SCN2A: variants seen among roughly 807,000 people sequenced by gnomAD.
SCN2A encodes the protein sodium channel protein type 2 subunit alpha.
SCN2A carries 20 observed loss-of-function variants against 188.7 expected under a neutral mutation model. The ratio of observed to expected loss-of-function variants is 0.11; its 90% confidence interval spans 0.07 to 0.15. The LOEUF is 0.15. Ranked by LOEUF, SCN2A falls within the 10% of genes least tolerant of loss-of-function variation. The pLI is 1.00. For synonymous variants in SCN2A, 804 were observed against 833.1 expected (o/e 0.97, Z 0.60); for missense variants, 1,278 against 2,445.0 (o/e 0.52, Z 10.07).
intron 1 of SCN2A, among the ~76,000 whole-genome samples, chr2:165,279,785 G>A (rs13413719): frequency 0.15 from 22,633 of 152,098 alleles, 1,878 homozygotes; most frequent in Middle Eastern, 0.21. Context: ...CTGTGATATG[G>A]TTTGCCTGTG....
intron 1 of SCN2A, among the ~76,000 whole-genome samples, chr2:165,250,646 C>T (rs1285239895): frequency 6.6e-6 from 1 of 151,886 alleles, no homozygotes. Flanking sequence ...CGAACATGTA[C>T]ACACACATAT....
At chr2:165,284,322 C>T (rs1695730546) in intron 1 of SCN2A, among the ~76,000 whole-genome samples, 1 of 152,058 alleles carries the variant, frequency 6.6e-6, no homozygotes, top group East Asian at 1.9e-4. Flanking sequence ...AGGTGCCCGC[C>T]ACCACACCTG....
At chr2:165,307,666 AC>A (rs1378880823) in intron 3 of SCN2A, among the ~76,000 whole-genome samples, 181 bp from the exon 4 acceptor site, 1 of 151,986 alleles carries the variant, frequency 6.6e-6, no homozygotes, top group Non-Finnish European at 1.5e-5. Flanking sequence ...TGGCCTGAAG[AC>A]AAGATCTAAA....
chr2:165,362,890 C>T lies in SCN2A; in HGVS notation c.3400-2253C>T, dbSNP rs182114335. ...AAGATGGATGGAAGAAATTAGGAGT[C>T]CAGATTTATTGGGGAGACTTTATGA... is the stretch of plus-strand genomic sequence containing the variant. On this transcript the variant is annotated intron_variant, in intron 17 of 26. Coordinates refer to ENST00000375437, the MANE Select transcript of SCN2A (RefSeq NM_001040142.2). Among the ~76,000 whole-genome samples, 677 of 152,020 alleles carry T rather than the reference C, an allele frequency of 4.5e-3. 3 individuals are homozygous for T. The highest frequency in any genetic ancestry group is 0.016 in the African/African-American group (645 of 41,484).
intron 15 of SCN2A, among the ~76,000 whole-genome samples, chr2:165,343,413 TAAAAC>T (rs1480881069): frequency 6.6e-6 from 1 of 152,138 alleles, no homozygotes; most frequent in African/African-American, 2.4e-5. Context: ...TTTAAAATGA[TAAAAC>T]AAGTAATATG....
At chr2:165,271,397 A>C (rs187169543) in intron 1 of SCN2A, 1 of 152,108 alleles carries the variant, frequency 6.6e-6, no homozygotes, top group Non-Finnish European at 1.5e-5. Flanking sequence ...ACATGGAGAT[A>C]GTACATAGGA....
Position 165,327,141 on chromosome 2 carries a change from A to G in SCN2A, c.2149+157A>G, listed in dbSNP as rs1698400607. 4 of 914,998 alleles carry G rather than the reference A, an allele frequency of 4.4e-6. No homozygotes were observed. In the Admixed American group the frequency reaches 7.4e-5, roughly 17 times the overall value. 56.7% of individuals were successfully genotyped at this position (914,998 alleles called of 1,614,324 possible). On this transcript the variant is annotated intron_variant, in intron 13 of 26. Transcript: ENST00000375437. The stretch of plus-strand genomic sequence containing the variant: ...AATCCGTGCATAACTCATGGATTCT[A>G]TTATCTTCCACAGATTTTTTTTTTT...
intron 1 of SCN2A, chr2:165,273,872 G>C (rs961027945): frequency 2.6e-5 from 4 of 152,072 alleles, no homozygotes; most frequent in African/African-American, 9.7e-5. Flanking sequence ...CACTTTACTG[G>C]GGGAGACGGT....
At chr2:165,384,621 G>T (rs1701772808) in intron 25 of SCN2A, among the ~76,000 whole-genome samples, 1 of 152,096 alleles carries the variant, frequency 6.6e-6, no homozygotes, top group Non-Finnish European at 1.5e-5. Flanking sequence ...AGAGAAAAAT[G>T]ATACTGCTCC....
chr2:165,387,112 T>C, intron 26 of SCN2A, 96 bp downstream of exon 26: 1 of 1,210,174 alleles, frequency 8.3e-7, no homozygotes. Context: ...TTCTCATTCA[T>C]CCCAAACTCC....
chr2:165,273,055 A>G (rs1250294097), intron 1 of SCN2A: 1 of 152,134 alleles, frequency 6.6e-6, no homozygotes, highest in African/African-American at 2.4e-5. Flanking sequence ...AAGTCATTGG[A>G]TCTTGGTTCA....
intron 12 of SCN2A, among the ~76,000 whole-genome samples, chr2:165,324,186 TAC>T (rs1008075044): frequency 3.0e-4 from 45 of 152,334 alleles, no homozygotes; most frequent in African/African-American, 1.1e-3. Flanking sequence ...ACTAGACACT[TAC>T]AGGGCTATAT....
At chr2:165,319,073 C>T (rs1697927116) in intron 11 of SCN2A, among the ~76,000 whole-genome samples, 1 of 152,120 alleles carries the variant, frequency 6.6e-6, no homozygotes, top group African/African-American at 2.4e-5. Flanking sequence ...TGTGGTGGCT[C>T]ATGCCTGTAA....
At chr2:165,245,361 G>A (rs962421145) in intron 1 of SCN2A, 4 of 152,106 alleles carry the variant, frequency 2.6e-5, no homozygotes, top group Non-Finnish European at 5.9e-5. Flanking sequence ...ACACTTCTCT[G>A]TCCTGACACC....
At chr2:165,378,822 T>G (rs111586718) in intron 23 of SCN2A, among the ~76,000 whole-genome samples, 1 of 151,744 alleles carries the variant, frequency 6.6e-6, no homozygotes, top group Non-Finnish European at 1.5e-5. Flanking sequence ...AATTGAGCAC[T>G]ACATTTATGA....
intron 12 of SCN2A, among the ~76,000 whole-genome samples, chr2:165,324,294 G>T (rs1172981962): frequency 6.6e-6 from 1 of 152,104 alleles, no homozygotes; most frequent in Non-Finnish European, 1.5e-5. Flanking sequence ...AATGTCACTT[G>T]ATTGTATTTT....
chr2:165,358,201 G>A (rs1415422053), intron 17 of SCN2A, among the ~76,000 whole-genome samples: 3 of 152,024 alleles, frequency 2.0e-5, no homozygotes, highest in Non-Finnish European at 4.4e-5. Context: ...GGTGCTCTTT[G>A]AAAACTTGCA....
intron 12 of SCN2A, 95 bp from the exon 13 acceptor site, chr2:165,326,757 G>A (rs1698379370): frequency 5.5e-6 from 7 of 1,281,562 alleles, no homozygotes; most frequent in Middle Eastern, 2.1e-4. Flanking sequence ...AGAAAGCATG[G>A]TGTATATTTA....
chr2:165,355,718 C>T (rs1253009188), intron 17 of SCN2A, among the ~76,000 whole-genome samples: 1 of 151,946 alleles, frequency 6.6e-6, no homozygotes, highest in Non-Finnish European at 1.5e-5. Flanking sequence ...TGATAATTAA[C>T]AATCAGCCAA....
Sources: gnomAD v4.1 joint callset for allele counts (sites outside exome capture counted in the v4.1 genomes callset) on GRCh38, gnomAD v4.1.1 for gene constraint, MANE v1.5 for transcripts, NCBI Gene and HGNC (gene_info 2026-07-23, HGNC 2026-07-21) for gene names.